Variants in FYCO1 observed in about 807,000 individuals in gnomAD.
FYCO1 encodes the protein FYVE and coiled-coil domain autophagy adaptor 1.
FYCO1 carries 122 observed loss-of-function variants against 165.1 expected under a neutral mutation model. That is an observed-to-expected ratio of 0.74 (90% CI 0.64 to 0.86). The LOEUF is 0.86. Ranked by LOEUF, FYCO1 falls within the 40% of genes least tolerant of loss-of-function variation. The probability of loss-of-function intolerance (pLI) is 0.00; values close to 1 mark genes in which losing one functional copy is unlikely to be tolerated. For missense variants in FYCO1, 1,702 were observed against 1,810.3 expected (o/e 0.94, Z 1.09); for synonymous variants, 648 against 742.5 (o/e 0.87, Z 2.07).
At chr3:45,944,989 A>G (rs1240992815) in intron 14 of FYCO1, 2 of 152,158 alleles carry the variant, frequency 1.3e-5, no homozygotes, top group Non-Finnish European at 2.9e-5. Context: ...TCACCCTTAG[A>G]GATCTAACAA....
rs747684269 is a variant in FYCO1 at position 45,962,370 on chromosome 3, C to A, written c.3292G>T (p.Ala1098Ser). The A allele has an allele frequency of 2.5e-6, 4 of 1,614,034 alleles. No individual in the cohort carries two copies. In the African/African-American group the frequency reaches 4.0e-5, roughly 16 times the overall value. Reference sequence around the variant, plus strand: ...TAATACTCTTGGATTTTTGTTGTGGCTTTTTCGAGTTCCTTCTGGGTCCTG... The same window carrying A: ...TAATACTCTTGGATTTTTGTTGTGGATTTTTCGAGTTCCTTCTGGGTCCTG... ...LERTQKELEKATTKIQEYYNK... is the reference protein window; with the variant it reads ...LERTQKELEKSTTKIQEYYNK... The change falls in exon 11 of 18, where the codon GCC (alanine) becomes TCC (serine). Residue 1098 changes from alanine (A) to serine (S), a missense_variant. Coordinates refer to ENST00000296137, the MANE Select transcript of FYCO1 (RefSeq NM_024513.4). The surrounding 1 kb of genome is among the most constrained non-coding windows in gnomAD (Gnocchi z 4.4).
At chr3:45,990,954 T>C (rs1707532601) in intron 1 of FYCO1, among the ~76,000 whole-genome samples, 1 of 152,004 alleles carries the variant, frequency 6.6e-6, no homozygotes, top group South Asian at 2.1e-4. Flanking sequence ...TTTTTAAATG[T>C]ATTTTAGTAG....
At chr3:45,924,558 C>T (rs1162758361) in intron 16 of FYCO1, among the ~76,000 whole-genome samples, 1 of 152,158 alleles carries the variant, frequency 6.6e-6, no homozygotes, top group African/African-American at 2.4e-5. Flanking sequence ...AGACACAGGC[C>T]TCATTTTAAA....
intron 16 of FYCO1, 62 bp downstream of exon 16, chr3:45,931,009 A>T: frequency 6.7e-7 from 1 of 1,500,834 alleles, no homozygotes; most frequent in South Asian, 1.2e-5. Context: ...GCTTTGAGAA[A>T]GGCCTGCCCA....
rs749346845 is a variant in FYCO1, at chr3:45,979,852, G to GAAAGGC, written c.163-23_163-22insGCCTTT. On this transcript the variant is annotated intron_variant, in intron 3 of 17. Transcript: ENST00000296137. The stretch of plus-strand genomic sequence containing the variant: ...CAAACTGGGTAGGGAAAGGGAAAGG[G>GAAAGGC]AGAGGAGGTCCAAACCCACTGCTCT... 1.5e-5 allele frequency: 24 copies of GAAAGGC among 1,613,342 alleles called. No homozygotes were observed. The East Asian group carries it at 5.3e-4, about 36-fold the overall frequency.
Position 45,921,738 on chromosome 3 carries a change from T to A in FYCO1, c.*27A>T. On this transcript the variant is annotated 3_prime_UTR_variant, in exon 18 of 18. Transcript: ENST00000296137. The stretch of plus-strand genomic sequence containing the variant: ...GAGGAAGAGCAGTGTTTCCTGTGGA[T>A]GAAGTGAAGTTACTGAGGTGCTGAA... 1 of 1,454,236 alleles carries A rather than the reference T, an allele frequency of 6.9e-7. No homozygotes were observed. Among genetic ancestry groups the A allele is most frequent in the Non-Finnish European group, 9.7e-7 (1 of 1,033,818 alleles). 90.1% of individuals were successfully genotyped at this position (1,454,236 alleles called of 1,614,324 possible). A position where few individuals can be genotyped will look rare whatever the true frequency, so the allele number is the denominator to read the frequency against.
rs530889496 is a variant in FYCO1 at position 45,981,803 on chromosome 3, G to T, written c.56-127C>A. On this transcript the variant is annotated intron_variant, in intron 2 of 17. Coordinates refer to ENST00000296137, the MANE Select transcript of FYCO1 (RefSeq NM_024513.4). Reference sequence around the variant, plus strand: ...CAAAGCACCTCTGAAACATAAAAGGGTATGTAAGTATCCATGAGATATAAC... The same window carrying T: ...CAAAGCACCTCTGAAACATAAAAGGTTATGTAAGTATCCATGAGATATAAC... 8.6e-5 allele frequency: 61 copies of T among 712,772 alleles called. No homozygotes were observed. The East Asian group carries it at 1.5e-3, about 18-fold the overall frequency. 44.2% of individuals were successfully genotyped at this position (712,772 alleles called of 1,614,324 possible). A position where few individuals can be genotyped will look rare whatever the true frequency, so the allele number is the denominator to read the frequency against.
intron 14 of FYCO1, chr3:45,946,250 T>G: frequency 6.1e-6 from 3 of 489,232 alleles, no homozygotes; most frequent in Non-Finnish European, 7.3e-6. Flanking sequence ...TCCTGAGAAT[T>G]TTCAGGCTAA....
At chr3:45,955,129 C>T in intron 14 of FYCO1, 120 bp downstream of exon 14, 1 of 1,202,750 alleles carries the variant, frequency 8.3e-7, no homozygotes, top group Non-Finnish European at 1.2e-6. Context: ...AAGCACTGTT[C>T]CCTTAGGCAA....
chr3:45,958,583 G>T lies in FYCO1; in HGVS notation c.3624C>A (p.Asn1208Lys). Residue 1208 changes from asparagine (N) to lysine (K), a missense_variant, in exon 13 of 18, where the codon AAC becomes AAA. Coordinates refer to ENST00000296137, the MANE Select transcript of FYCO1 (RefSeq NM_024513.4). ...CACCGTGCTTGCTCAGGACGTAGTT[G>T]TTGCAGCAGTAGTAACAGAAGATGC... ...CGRIFCYYCC[N>K]NYVLSKHGGK... The T allele has an allele frequency of 6.2e-7, 1 of 1,614,232 alleles. No individual in the cohort carries two copies. Among genetic ancestry groups the T allele is most frequent in the Non-Finnish European group, 8.5e-7 (1 of 1,180,044 alleles).
chr3:45,989,954 G>C (rs773623438), intron 1 of FYCO1, among the ~76,000 whole-genome samples: 4 of 152,162 alleles, frequency 2.6e-5, no homozygotes, highest in Non-Finnish European at 5.9e-5. Context: ...ACAATGACAG[G>C]CATGAGAATC....
chr3:45,967,446 C>G lies in FYCO1; in HGVS notation c.1888G>C (p.Gly630Arg). 1 of 1,613,608 alleles carries G rather than the reference C, an allele frequency of 6.2e-7. No individual in the cohort carries two copies. The highest frequency in any genetic ancestry group is 8.5e-7 in the Non-Finnish European group (1 of 1,180,008). The change falls in exon 8 of 18, where the codon GGG (glycine) becomes CGG (arginine). Residue 630 changes from glycine (G) to arginine (R), a missense_variant. Gly to Arg is a moderately radical substitution (Grantham distance 125). Coordinates refer to ENST00000296137, the MANE Select transcript of FYCO1 (RefSeq NM_024513.4). ...ELEKELQNVV[G>R]RNQLLEGKLQ... is the part of the protein sequence containing the mutation. ...TTGCCCTCCAGGAGCTGGTTACGCCCGACCACATTCTGTAGCTCCTTCTCC... is the reference window on the plus strand; with the variant it reads ...TTGCCCTCCAGGAGCTGGTTACGCCGGACCACATTCTGTAGCTCCTTCTCC...
chr3:45,984,841 A>T lies in FYCO1; in HGVS notation c.55+15T>A, dbSNP rs1575388104. 3 of 1,614,168 alleles carry T rather than the reference A, an allele frequency of 1.9e-6. No homozygotes were observed. The East Asian group carries it at 6.7e-5, about 36-fold the overall frequency. Reference sequence around the variant, plus strand: ...CCTCAAAACCAAACTCAGCCTGCCCAGCAACCTACCATACCTTGCAAGTCT... The same window carrying T: ...CCTCAAAACCAAACTCAGCCTGCCCTGCAACCTACCATACCTTGCAAGTCT... On this transcript the variant is annotated intron_variant, in intron 2 of 17. Coordinates refer to ENST00000296137, the MANE Select transcript of FYCO1 (RefSeq NM_024513.4).
chr3:45,969,720 AG>A lies in FYCO1; in HGVS notation c.584del (p.Pro195LeufsTer7), dbSNP rs1217916294. On this transcript the variant is annotated frameshift_variant, in exon 7 of 18. Coordinates refer to ENST00000296137, the MANE Select transcript of FYCO1 (RefSeq NM_024513.4). LOFTEE classifies it high-confidence loss of function. ...AGCTGCTCATGCTGGAGCTGCGGCTAGGGGGTTTCCACAGGTAAGCAGAAGA... is the reference window on the plus strand; with the variant it reads ...AGCTGCTCATGCTGGAGCTGCGGCTAGGGGTTTCCACAGGTAAGCAGAAGA... ...TGSSAYLWKPPSRSSSMSSLV... is the reference protein window; with the variant it reads ...TGSSAYLWKPXSRSSSMSSLV... The A allele has an allele frequency of 3.1e-6, 5 of 1,613,936 alleles. No homozygotes were observed. In the African/African-American group the frequency reaches 4.0e-5, roughly 13 times the overall value.
chr3:45,941,498 T>C (rs1704221033), intron 14 of FYCO1, among the ~76,000 whole-genome samples: 1 of 152,342 alleles, frequency 6.6e-6, no homozygotes, highest in South Asian at 2.1e-4. Context: ...CTTAAAACAA[T>C]TAACACTATA....
chr3:45,959,416 C>T lies in FYCO1; in HGVS notation c.3564G>A (p.Trp1188Ter). 6.2e-7 allele frequency: 1 copy of T among 1,614,068 alleles called. No homozygotes were observed. Among genetic ancestry groups the T allele is most frequent in the Non-Finnish European group, 8.5e-7 (1 of 1,180,042 alleles). ...ACCTGCAGTGGTGCCGCCGCACCATCCAGCTGAACTCCCGCTTACAGTCGA... is the reference window on the plus strand; with the variant it reads ...ACCTGCAGTGGTGCCGCCGCACCATTCAGCTGAACTCCCGCTTACAGTCGA... The part of the protein sequence containing the change: ...HCLDCKREFS[W>*]MVRRHHCRIC... The change falls in exon 12 of 18, where the codon TGG becomes TGA. Residue 1188 changes from tryptophan to a stop codon, truncating the protein, a stop_gained. Coordinates refer to ENST00000296137, the MANE Select transcript of FYCO1 (RefSeq NM_024513.4). LOFTEE classifies it high-confidence loss of function.
chr3:45,925,872 C>T (rs1255606128), intron 16 of FYCO1, among the ~76,000 whole-genome samples: 2 of 152,096 alleles, frequency 1.3e-5, no homozygotes, highest in Admixed American at 1.3e-4. Context: ...TCTGGCTGTT[C>T]CTGGCAGTGG....
rs1323097924 is a variant in FYCO1 at position 45,968,475 on chromosome 3, C to T, written c.859G>A (p.Asp287Asn). The stretch of plus-strand genomic sequence containing the variant: ...ACCAAGCAAGTGAGGCGAACGTTGT[C>T]CTCCGCTGCAGTGCGCCCCCTCTCC... ...ERERGRTAAE[D>N]NVRLTCLVAE... The change falls in exon 8 of 18, where the codon GAC becomes AAC. Residue 287 changes from aspartate (D) to asparagine (N), a missense_variant. Physicochemically the swap from Asp to Asn is conservative, Grantham distance 23. Coordinates refer to ENST00000296137, the MANE Select transcript of FYCO1 (RefSeq NM_024513.4). 6.2e-7 allele frequency: 1 copy of T among 1,614,082 alleles called. No homozygotes were observed. Among genetic ancestry groups the T allele is most frequent in the South Asian group, 1.1e-5 (1 of 91,088 alleles).
chr3:45,955,368 C>G lies in FYCO1; in HGVS notation c.3825G>C (p.Pro1275=), dbSNP rs748985200. 1.2e-6 allele frequency: 2 copies of G among 1,614,032 alleles called. No individual in the cohort carries two copies. The highest frequency in any genetic ancestry group is 2.2e-5 in the East Asian group (1 of 44,892). ...GQGANTDYRP[P]DDAVFDIITD... is the part of the protein sequence containing the mutation. ...TGATGATATCAAACACAGCGTCGTC[C>G]GGTGGCCTGTAGTCTGTATTTGCTC... is the stretch of plus-strand genomic sequence containing the variant. Residue 1275 remains proline (P), a synonymous_variant, in exon 14 of 18, where the codon CCG becomes CCC. Coordinates refer to ENST00000296137, the MANE Select transcript of FYCO1 (RefSeq NM_024513.4).
Sources: gnomAD v4.1 joint callset for allele counts (sites outside exome capture counted in the v4.1 genomes callset) on GRCh38, gnomAD v4.1.1 for gene constraint, Gnocchi (gnomAD v3.1) non-coding constraint, MANE v1.5 for transcripts, NCBI Gene and HGNC (gene_info 2026-07-23, HGNC 2026-07-21) for gene names.